Variants in CPN1 observed in about 807,000 individuals in gnomAD.
CPN1 encodes the protein carboxypeptidase N catalytic chain.
Under a neutral mutation model 46.4 loss-of-function variants are expected in CPN1, and 37 were observed. The ratio of observed to expected loss-of-function variants is 0.80; its 90% confidence interval spans 0.61 to 1.05. The LOEUF (loss-of-function observed/expected upper bound fraction) is 1.05, where lower values mean the gene tolerates loss of function less well. Ranked by LOEUF, CPN1 falls within the 50% of genes least tolerant of loss-of-function variation. The probability of loss-of-function intolerance (pLI) is 0.00; values close to 1 mark genes in which losing one functional copy is unlikely to be tolerated. For missense variants in CPN1, 563 were observed against 602.6 expected (o/e 0.93, Z 0.69); for synonymous variants, 224 against 235.4 (o/e 0.95, Z 0.44).
At chr10:100,076,973 A>G (rs368531594) in intron 1 of CPN1, among the ~76,000 whole-genome samples, 36 of 152,308 alleles carry the variant, frequency 2.4e-4, no homozygotes, top group African/African-American at 8.4e-4. Context: ...GAGGATCTGA[A>G]AGTTTCTGGG....
chr10:100,071,579 G>A (rs750552371), intron 2 of CPN1, among the ~76,000 whole-genome samples: 9 of 152,264 alleles, frequency 5.9e-5, no homozygotes, highest in South Asian at 2.1e-4. Context: ...AATTGTATCC[G>A]TAAAGACCCT....
At chr10:100,066,058 C>T (rs1017978068) in intron 3 of CPN1, among the ~76,000 whole-genome samples, 39 of 151,888 alleles carry the variant, frequency 2.6e-4, no homozygotes, top group Admixed American at 2.2e-3. Flanking sequence ...CGGACTCAAG[C>T]GATCCTCCTA....
intron 1 of CPN1, among the ~76,000 whole-genome samples, chr10:100,079,049 C>A (rs2133450741): frequency 6.6e-6 from 1 of 152,394 alleles, no homozygotes; most frequent in Middle Eastern, 3.4e-3. Context: ...TGTGCCATCA[C>A]ACCCATCCTT....
chr10:100,068,330 C>A (rs1373848901), intron 3 of CPN1, among the ~76,000 whole-genome samples: 1 of 150,918 alleles, frequency 6.6e-6, no homozygotes, highest in Admixed American at 6.6e-5. Flanking sequence ...TCTCCTGCCT[C>A]AGCCTCCCAA....
chr10:100,075,865 TAAG>T, intron 2 of CPN1, 43 bp downstream of exon 2: 1 of 1,592,648 alleles, frequency 6.3e-7, no homozygotes, highest in Non-Finnish European at 8.6e-7. Context: ...CTTTATTTCC[TAAG>T]AAGGCCTTGA....
In CPN1 at chr10:100,075,967, G is replaced by A. The variant is rs540311121; in HGVS notation, c.364C>T (p.Arg122Cys). 8 of 1,614,144 alleles carry A rather than the reference G, an allele frequency of 5.0e-6. No homozygotes were observed. The highest frequency in any genetic ancestry group is 2.2e-5 in the East Asian group (1 of 44,888). ...QRIVQLIQDT[R>C]IHILPSMNPD... ...TTCATGGATGGCAGGATGTGAATGC[G>A]CGTGTCCTGGATGAGCTGGACGATG... The change falls in exon 2 of 9, where the codon CGC becomes TGC. Residue 122 changes from arginine to cysteine, a missense_variant. Coordinates refer to ENST00000370418, the MANE Select transcript of CPN1 (RefSeq NM_001308.3).
At chr10:100,077,832 A>T (rs2041523920) in intron 1 of CPN1, among the ~76,000 whole-genome samples, 1 of 152,016 alleles carries the variant, frequency 6.6e-6, no homozygotes, top group African/African-American at 2.4e-5. Flanking sequence ...AGTTTTCTTC[A>T]CATCCTTATT....
In CPN1 at chr10:100,065,234, C is replaced by A. The variant is rs1227290902; in HGVS notation, c.713G>T (p.Arg238Leu). The A allele has an allele frequency of 3.7e-6, 6 of 1,614,048 alleles. No homozygotes were observed. Among genetic ancestry groups the A allele is most frequent in the Non-Finnish European group, 5.1e-6 (6 of 1,179,980 alleles). The change falls in exon 4 of 9, where the codon CGC (arginine) becomes CTC (leucine). Residue 238 changes from arginine (R) to leucine (L), a missense_variant. Coordinates refer to ENST00000370418, the MANE Select transcript of CPN1 (RefSeq NM_001308.3). ...AGGCGTGGGGGTGCTGGCGGTGCGGCGGACCCCTCGGACCCGGTGCTCAAA... is the reference window on the plus strand; with the variant it reads ...AGGCGTGGGGGTGCTGGCGGTGCGGAGGACCCCTCGGACCCGGTGCTCAAA... ...KSFEHRVRGV[R>L]RTASTPTPDD...
In CPN1 at chr10:100,042,528, T is replaced by A; in HGVS notation, c.1276A>T (p.Arg426Trp). Reference sequence around the variant, plus strand: ...CCGTGCCTTCTGCTGGGAGCTCTCCTCACAGGGCTTACTTGAGGGATGCTT... The same window carrying A: ...CCGTGCCTTCTGCTGGGAGCTCTCCACACAGGGCTTACTTGAGGGATGCTT... ...KRSIPQVSPVRRAPSRRHGVR... is the reference protein window; with the variant it reads ...KRSIPQVSPVWRAPSRRHGVR... The change falls in exon 9 of 9, where the codon AGG (arginine) becomes TGG (tryptophan). Residue 426 changes from arginine (R) to tryptophan (W), a missense_variant. Coordinates refer to ENST00000370418, the MANE Select transcript of CPN1 (RefSeq NM_001308.3). The A allele has an allele frequency of 6.2e-7, 1 of 1,613,918 alleles. No homozygotes were observed. The highest frequency in any genetic ancestry group is 1.3e-5 in the African/African-American group (1 of 74,974).
In CPN1 at chr10:100,042,434, G is replaced by A. The variant is rs1231792698; in HGVS notation, c.1370C>T (p.Pro457Leu). The A allele has an allele frequency of 6.2e-7, 1 of 1,613,160 alleles. No individual in the cohort carries two copies. Among genetic ancestry groups the A allele is most frequent in the Non-Finnish European group, 8.5e-7 (1 of 1,180,008 alleles). The change falls in exon 9 of 9, where the codon CCT becomes CTT. Residue 457 changes from proline to leucine, a missense_variant. Transcript: ENST00000370418. ...EMEMRQLQRG[P>L]A ...TGCCTGGCACTGTGGGTTTCAGGCA[G>A]GGCCTCTCTGCAGCTGCCTCATCTC...
chr10:100,047,962 A>G (rs1039959473), intron 8 of CPN1, among the ~76,000 whole-genome samples: 1 of 152,206 alleles, frequency 6.6e-6, no homozygotes, highest in Non-Finnish European at 1.5e-5. Context: ...ATTGCACTCC[A>G]GCCTGGGCAA....
Position 100,065,235 on chromosome 10 carries a change from G to A in CPN1, c.712C>T (p.Arg238Cys), listed in dbSNP as rs760356142. The change falls in exon 4 of 9, where the codon CGC becomes TGC. Residue 238 changes from arginine to cysteine, a missense_variant. Arg to Cys is a radical substitution (Grantham distance 180). Transcript: ENST00000370418. ...GGCGTGGGGGTGCTGGCGGTGCGGC[G>A]GACCCCTCGGACCCGGTGCTCAAAG... is the stretch of plus-strand genomic sequence containing the variant. ...KSFEHRVRGVRRTASTPTPDD... is the reference protein window; with the variant it reads ...KSFEHRVRGVCRTASTPTPDD... 4 of 1,614,042 alleles carry A rather than the reference G, an allele frequency of 2.5e-6. No homozygotes were observed. Among genetic ancestry groups the A allele is most frequent in the Non-Finnish European group, 2.5e-6 (3 of 1,179,990 alleles).
At chr10:100,063,489 C>T (rs2041433146) in intron 5 of CPN1, 125 bp downstream of exon 5, 1 of 772,582 alleles carries the variant, frequency 1.3e-6, no homozygotes, top group Admixed American at 2.0e-5. Context: ...CCTCATTTTC[C>T]AGATCTCAAC....
At chr10:100,054,201 T>A in intron 7 of CPN1, 146 bp downstream of exon 7, 4 of 695,704 alleles carry the variant, frequency 5.7e-6, no homozygotes, top group African/African-American at 5.3e-5. Context: ...TCCATTTTCA[T>A]TGCCCTTCTT....
chr10:100,067,710 G>A (rs1281740705), intron 3 of CPN1, among the ~76,000 whole-genome samples: 4 of 152,324 alleles, frequency 2.6e-5, no homozygotes, highest in Non-Finnish European at 5.9e-5. Context: ...AGGCCCACCA[G>A]CAGGGTGAAA....
chr10:100,058,133 T>C (rs895614909), intron 5 of CPN1, among the ~76,000 whole-genome samples: 7 of 152,202 alleles, frequency 4.6e-5, no homozygotes, highest in African/African-American at 1.7e-4. Context: ...TCGTTTCCTC[T>C]CTTCATAAAT....
At chr10:100,051,780 T>C (rs1209731919) in intron 7 of CPN1, among the ~76,000 whole-genome samples, 1 of 152,046 alleles carries the variant, frequency 6.6e-6, no homozygotes, top group Non-Finnish European at 1.5e-5. Context: ...CCACCCGCCT[T>C]GGCCTCCCAA....
At position 100,076,012 on chromosome 10, in the gene CPN1, A is replaced by G; in HGVS notation, c.319T>C (p.Phe107Leu). The G allele has an allele frequency of 5.0e-6, 8 of 1,613,970 alleles. No individual in the cohort carries two copies. The highest frequency in any genetic ancestry group is 6.8e-6 in the Non-Finnish European group (8 of 1,179,996). The stretch of plus-strand genomic sequence containing the variant: ...ACGATGCGCTGGTTCCTGTTCCGGA[A>G]CTCCTCGCACAGAAACTCCGACAGC... ...LQLSEFLCEE[F>L]RNRNQRIVQL... Residue 107 changes from phenylalanine (F) to leucine (L), a missense_variant, in exon 2 of 9, where the codon TTC becomes CTC. Coordinates refer to ENST00000370418, the MANE Select transcript of CPN1 (RefSeq NM_001308.3).
chr10:100,044,519 T>C (rs1166442717), intron 8 of CPN1, among the ~76,000 whole-genome samples: 1 of 151,032 alleles, frequency 6.6e-6, no homozygotes, highest in Non-Finnish European at 1.5e-5. Flanking sequence ...GCACTACATG[T>C]GCATGACACC....
Sources: allele counts gnomAD v4.1 joint callset (sites outside exome capture counted in the v4.1 genomes callset), GRCh38; gene constraint gnomAD v4.1.1; transcripts MANE v1.5; gene names NCBI Gene and HGNC (gene_info 2026-07-23, HGNC 2026-07-21).